The following PIP4P2 variants were observed in gnomAD, a reference collection of about 807,000 sequenced individuals.
PIP4P2 encodes the protein phosphatidylinositol-4,5-bisphosphate 4-phosphatase 2, also known as type 2 phosphatidylinositol 4,5-bisphosphate 4-phosphatase.
Under a neutral mutation model 33.3 loss-of-function variants are expected in PIP4P2, and 19 were observed. The observed-to-expected ratio is 0.57, with a 90% confidence interval of 0.40 to 0.84. PIP4P2 has a LOEUF of 0.84. PIP4P2 is among the 40% of genes least tolerant of loss of function. PIP4P2 has a pLI of 0.00. For synonymous variants in PIP4P2, 110 were observed against 111.9 expected (o/e 0.98, Z 0.11); for missense variants, 270 against 324.7 (o/e 0.83, Z 1.29).
chr8:91,014,291 A>G (rs1268541778), intron 4 of PIP4P2, among the ~76,000 whole-genome samples: 1 of 152,172 alleles, frequency 6.6e-6, no homozygotes, highest in African/African-American at 2.4e-5. Context: ...GAGTATCACA[A>G]TCCCAAGCTC....
intron 4 of PIP4P2, among the ~76,000 whole-genome samples, chr8:91,013,747 T>C (rs1012668444): frequency 3.3e-5 from 5 of 152,140 alleles, no homozygotes; most frequent in African/African-American, 1.2e-4. Flanking sequence ...TTGCCCAGGC[T>C]AGTCTCAAAC....
At chr8:91,020,557 A>T (rs1353612837) in intron 2 of PIP4P2, among the ~76,000 whole-genome samples, 1 of 152,210 alleles carries the variant, frequency 6.6e-6, no homozygotes, top group African/African-American at 2.4e-5. Flanking sequence ...GAGAGATCAA[A>T]ATGTAATATA....
intron 4 of PIP4P2, among the ~76,000 whole-genome samples, chr8:91,013,179 C>T (rs1257891290): frequency 6.6e-6 from 1 of 152,164 alleles, no homozygotes. Context: ...ACTGTGCTTC[C>T]TGTTCACCAC....
At chr8:91,027,506 A>G (rs914339841) in intron 1 of PIP4P2, among the ~76,000 whole-genome samples, 2 of 152,070 alleles carry the variant, frequency 1.3e-5, no homozygotes, top group Admixed American at 1.3e-4. Flanking sequence ...AAGGGCAAAT[A>G]CAAAGTCTAA....
intron 1 of PIP4P2, among the ~76,000 whole-genome samples, chr8:91,023,474 A>C (rs1413695538): frequency 6.6e-6 from 1 of 151,952 alleles, no homozygotes; most frequent in African/African-American, 2.4e-5. Context: ...AAAATTTCAG[A>C]GGGTGATCTT....
chr8:91,015,292 G>T (rs1811899314), intron 4 of PIP4P2, among the ~76,000 whole-genome samples: 2 of 151,972 alleles, frequency 1.3e-5, no homozygotes, highest in Non-Finnish European at 2.9e-5. Context: ...GCTTTACAAA[G>T]AAAGAAGAGG....
chr8:91,015,803 A>C (rs1811907971), intron 4 of PIP4P2, among the ~76,000 whole-genome samples: 1 of 152,148 alleles, frequency 6.6e-6, no homozygotes, highest in African/African-American at 2.4e-5. Context: ...ATTGGCTAAC[A>C]CCTTAGAACT....
chr8:91,013,902 T>C (rs1261378479), intron 4 of PIP4P2, among the ~76,000 whole-genome samples: 1 of 152,166 alleles, frequency 6.6e-6, no homozygotes, highest in Non-Finnish European at 1.5e-5. Flanking sequence ...TTTACGTACT[T>C]AGTCACTGAT....
intron 2 of PIP4P2, 142 bp from the exon 3 acceptor site, chr8:91,020,405 T>C: frequency 1.3e-6 from 1 of 786,250 alleles, no homozygotes; most frequent in Non-Finnish European, 2.1e-6. Flanking sequence ...TTTTATGATT[T>C]TTCTATAAAA....
rs559246138 is a variant in PIP4P2 at position 90,995,722 on chromosome 8, A to G, written c.729T>C (p.Tyr243=). Residue 243 remains tyrosine (Y), a synonymous_variant, in exon 7 of 7, where the codon TAT becomes TAC. Transcript: ENST00000285419. The part of the protein sequence containing the change: ...LGLICLIRAC[Y]WGAIRVSYPE... Reference sequence around the variant, plus strand: ...GATAACTGACTCTTATGGCTCCCCAATAACAAGCTCGGATAAGGCAGATCA... The same window carrying G: ...GATAACTGACTCTTATGGCTCCCCAGTAACAAGCTCGGATAAGGCAGATCA... 3.2e-5 allele frequency: 52 copies of G among 1,613,420 alleles called. No individual in the cohort carries two copies. In the African/African-American group the frequency reaches 3.5e-4, roughly 11 times the overall value.
At chr8:91,021,477 T>G in intron 1 of PIP4P2, 73 bp from the exon 2 acceptor site, 1 of 1,479,828 alleles carries the variant, frequency 6.8e-7, no homozygotes, top group Non-Finnish European at 9.1e-7. Context: ...AGAGGCAATA[T>G]AAGTAAAGAA....
chr8:91,023,375 G>A (rs1035947837), intron 1 of PIP4P2, among the ~76,000 whole-genome samples: 4 of 130,076 alleles, frequency 3.1e-5, no homozygotes, highest in African/African-American at 1.0e-4. Flanking sequence ...AGGGCATTAG[G>A]GGGAGAGGAG....
At chr8:91,035,448 A>G (rs1007205184) in intron 1 of PIP4P2, among the ~76,000 whole-genome samples, 1 of 152,192 alleles carries the variant, frequency 6.6e-6, no homozygotes, top group Non-Finnish European at 1.5e-5. Context: ...GGTCCTTACC[A>G]TCTTTGCTCT....
At chr8:91,023,669 A>T (rs1812042688) in intron 1 of PIP4P2, among the ~76,000 whole-genome samples, 2 of 152,022 alleles carry the variant, frequency 1.3e-5, no homozygotes, top group Admixed American at 6.6e-5. Context: ...GAAGATTATA[A>T]ATCTAATATA....
chr8:90,996,587 A>C, intron 6 of PIP4P2, 67 bp downstream of exon 6: 1 of 1,350,652 alleles, frequency 7.4e-7, no homozygotes, highest in African/African-American at 1.5e-5. Context: ...AGGTTGTCCC[A>C]GGCCTCATGA....
In PIP4P2 at chr8:90,995,787, C is replaced by T; in HGVS notation, c.664G>A (p.Ala222Thr). The T allele has an allele frequency of 6.2e-7, 1 of 1,609,120 alleles. No individual in the cohort carries two copies. Among genetic ancestry groups the T allele is most frequent in the Non-Finnish European group, 8.5e-7 (1 of 1,178,356 alleles). The change falls in exon 7 of 7, where the codon GCA becomes ACA. Residue 222 changes from alanine (A) to threonine (T), a missense_variant. Physicochemically the swap from Ala to Thr is moderately conservative, Grantham distance 58. Transcript: ENST00000285419. ...GCAATTGCCCAAGAAACATAGGTTG[C>T]TCGAAATCGCCTTGCAAAATCTGGG... ...GTPDFARRFRATYVSWAIAYL... is the reference protein window; with the variant it reads ...GTPDFARRFRTTYVSWAIAYL...
chr8:91,026,335 C>T (rs202050138), intron 1 of PIP4P2, among the ~76,000 whole-genome samples: 2 of 152,080 alleles, frequency 1.3e-5, no homozygotes, highest in East Asian at 1.9e-4. Flanking sequence ...TTTCAACATT[C>T]GCCAGAACCA....
intron 5 of PIP4P2, among the ~76,000 whole-genome samples, chr8:91,003,958 G>GATAA: frequency 7.0e-6 from 1 of 142,478 alleles, no homozygotes; most frequent in Non-Finnish European, 1.5e-5. Flanking sequence ...GAGATAGATA[G>GATAA]ATAGATAGAT....
intron 4 of PIP4P2, among the ~76,000 whole-genome samples, chr8:91,012,076 A>C (rs78195404): frequency 0.1 from 15,521 of 151,980 alleles, 923 homozygotes; most frequent in African/African-American, 0.16. Context: ...GATCTTTCCA[A>C]TAAAATATCT....
Sources: gnomAD v4.1 joint callset for allele counts (sites outside exome capture counted in the v4.1 genomes callset) on GRCh38, gnomAD v4.1.1 for gene constraint, MANE v1.5 for transcripts, NCBI Gene and HGNC (gene_info 2026-07-23, HGNC 2026-07-21) for gene names.